The following MALRD1 variants were observed in gnomAD, a reference collection of about 807,000 sequenced individuals.
MALRD1 encodes MAM and LDL-receptor class A domain-containing protein 1.
MALRD1 carries 247 observed loss-of-function variants against 242.1 expected under a neutral mutation model. That is an observed-to-expected ratio of 1.02 (90% CI 0.92 to 1.13). MALRD1 has a LOEUF of 1.13. Ranked by LOEUF, MALRD1 falls within the 50% of genes most tolerant of loss-of-function variation. MALRD1 has a pLI of 0.00. For missense variants in MALRD1, 2,989 were observed against 2,533.1 expected (o/e 1.18, Z -3.86); for synonymous variants, 995 against 866.6 (o/e 1.15, Z -2.60).
At chr10:19,511,246 G>A (rs962180443) in intron 31 of MALRD1, among the ~76,000 whole-genome samples, 2 of 152,110 alleles carry the variant, frequency 1.3e-5, no homozygotes, top group Admixed American at 1.3e-4. Context: ...GGAGTGAGTG[G>A]TGCCGTTAAA....
At chr10:19,273,731 G>A (rs1174530070) in intron 19 of MALRD1, among the ~76,000 whole-genome samples, 1 of 152,168 alleles carries the variant, frequency 6.6e-6, no homozygotes, top group African/African-American at 2.4e-5. Flanking sequence ...AGGGGAGAGG[G>A]TAGGATGCAT....
At chr10:19,424,448 C>T (rs1589053006) in intron 28 of MALRD1, among the ~76,000 whole-genome samples, 2 of 152,168 alleles carry the variant, frequency 1.3e-5, no homozygotes, top group South Asian at 2.1e-4. Flanking sequence ...GCATGAGCCA[C>T]CATGCCCAGC....
At chr10:19,564,937 G>T (rs1298078294) in intron 32 of MALRD1, among the ~76,000 whole-genome samples, 3 of 152,116 alleles carry the variant, frequency 2.0e-5, no homozygotes, top group African/African-American at 7.2e-5. Flanking sequence ...GCAATGTTAT[G>T]AGTTCCTAAG....
chr10:19,493,947 A>C (rs1385916669), intron 30 of MALRD1, among the ~76,000 whole-genome samples: 1 of 152,222 alleles, frequency 6.6e-6, no homozygotes, highest in Non-Finnish European at 1.5e-5. Context: ...TAGGGCATTT[A>C]ATAGTCACCC....
intron 14 of MALRD1, among the ~76,000 whole-genome samples, chr10:19,177,824 C>T (rs1835326936): frequency 6.6e-6 from 1 of 152,188 alleles, no homozygotes; most frequent in Non-Finnish European, 1.5e-5. Context: ...TTCAGAGTCT[C>T]CTTGACTCCT....
chr10:19,126,410 C>T (rs191693433), intron 7 of MALRD1, among the ~76,000 whole-genome samples: 1 of 152,156 alleles, frequency 6.6e-6, no homozygotes, highest in East Asian at 1.9e-4. Flanking sequence ...ATAATTTACT[C>T]TATTTTGAGT....
At chr10:19,589,925 A>G (rs2131542382) in intron 33 of MALRD1, among the ~76,000 whole-genome samples, 1 of 152,296 alleles carries the variant, frequency 6.6e-6, no homozygotes, top group East Asian at 1.9e-4. Flanking sequence ...ATTGTCTCGC[A>G]TAATGAACAA....
chr10:19,375,949 A>G (rs1007026732), intron 26 of MALRD1, among the ~76,000 whole-genome samples: 7 of 151,988 alleles, frequency 4.6e-5, no homozygotes, highest in African/African-American at 1.7e-4. Flanking sequence ...TGGTGAAACC[A>G]TGTCTCTACT....
intron 2 of MALRD1, among the ~76,000 whole-genome samples, chr10:19,071,920 A>G (rs750016599): frequency 2.0e-5 from 3 of 152,170 alleles, no homozygotes; most frequent in Non-Finnish European, 2.9e-5. Flanking sequence ...TCTTTACTGA[A>G]CATCTGTATT....
At chr10:19,470,998 C>G (rs1836461711) in intron 29 of MALRD1, among the ~76,000 whole-genome samples, 1 of 151,758 alleles carries the variant, frequency 6.6e-6, no homozygotes, top group African/African-American at 2.4e-5. Context: ...GGGTTGACAT[C>G]CAAAAATTTA....
At chr10:19,729,620 G>C (rs1835194512) in intron 38 of MALRD1, among the ~76,000 whole-genome samples, 1 of 134,296 alleles carries the variant, frequency 7.4e-6, no homozygotes, top group African/African-American at 2.9e-5. Flanking sequence ...TGTGTATTTA[G>C]TTCTTGGTTA....
In MALRD1 at chr10:19,205,351, C is replaced by T. The variant is rs74118861; in HGVS notation, c.2578+86C>T. ...TTCACTTTTGTCTTGCCAATCAAAC[C>T]GATAACAGTAAGCATAGCTCCAAAG... On this transcript the variant is annotated intron_variant, in intron 17 of 39. Coordinates refer to ENST00000454679, the MANE Select transcript of MALRD1 (RefSeq NM_001142308.3). 1.9e-3 allele frequency: 2,685 copies of T among 1,409,786 alleles called. 47 individuals are homozygous for T. The African/African-American group carries it at 0.035, about 18-fold the overall frequency. The allele number at this position is 1,409,786 out of a possible 1,614,324, so 87.3% of individuals were successfully genotyped here.
At chr10:19,439,826 C>G (rs1336031643) in intron 28 of MALRD1, among the ~76,000 whole-genome samples, 2 of 152,084 alleles carry the variant, frequency 1.3e-5, no homozygotes, top group African/African-American at 4.8e-5. Context: ...CTCCATTTCC[C>G]TTTTACTCCA....
intron 32 of MALRD1, among the ~76,000 whole-genome samples, chr10:19,543,660 C>G (rs1437323603): frequency 1.3e-5 from 2 of 152,006 alleles, no homozygotes; most frequent in Non-Finnish European, 2.9e-5. Flanking sequence ...TAATGCCACA[C>G]CAGACACTGT....
At chr10:19,114,531 A>G (rs892443199) in intron 5 of MALRD1, among the ~76,000 whole-genome samples, 10 of 152,080 alleles carry the variant, frequency 6.6e-5, no homozygotes, top group African/African-American at 1.2e-4. Context: ...CAGCTACTCC[A>G]GAGGGTTGAA....
chr10:19,221,784 T>C (rs1399708067), intron 18 of MALRD1, among the ~76,000 whole-genome samples: 1 of 151,894 alleles, frequency 6.6e-6, no homozygotes, highest in Non-Finnish European at 1.5e-5. Flanking sequence ...GTCATCTTAA[T>C]TGGAAATATA....
At chr10:19,055,316 T>G (rs1015551827) in intron 1 of MALRD1, among the ~76,000 whole-genome samples, 2 of 152,230 alleles carry the variant, frequency 1.3e-5, no homozygotes, top group African/African-American at 4.8e-5. Context: ...ATCAGATGTG[T>G]GCTTTACAAA....
intron 38 of MALRD1, chr10:19,725,129 G>C (rs898975090): frequency 6.6e-6 from 1 of 152,166 alleles, no homozygotes; most frequent in African/African-American, 2.4e-5. Context: ...GGACAATATT[G>C]TCGAGACGTT....
At chr10:19,157,622 A>G (rs1834217279) in intron 12 of MALRD1, among the ~76,000 whole-genome samples, 1 of 152,202 alleles carries the variant, frequency 6.6e-6, no homozygotes, top group South Asian at 2.1e-4. Flanking sequence ...TGGAAAATCT[A>G]GCCAATCCTC....
Sources: gnomAD v4.1 joint callset for allele counts (sites outside exome capture counted in the v4.1 genomes callset) on GRCh38, gnomAD v4.1.1 for gene constraint, MANE v1.5 for transcripts, NCBI Gene and HGNC (gene_info 2026-07-23, HGNC 2026-07-21) for gene names.